The following WDPCP variants were observed in gnomAD, a reference collection of about 807,000 sequenced individuals.
WDPCP encodes the protein WD repeat-containing and planar cell polarity effector protein fritz homolog.
WDPCP carries 71 observed loss-of-function variants against 93.1 expected under a neutral mutation model. That is an observed-to-expected ratio of 0.76 (90% CI 0.63 to 0.93). The LOEUF (loss-of-function observed/expected upper bound fraction) is 0.93. Among genes scored for constraint, WDPCP ranks in the 40% least tolerant of loss-of-function variants. WDPCP has a pLI of 0.00. For missense variants in WDPCP, 844 were observed against 887.4 expected, an observed-to-expected ratio of 0.95 and a Z score of 0.62; for synonymous variants, 315 against 315.0, an observed-to-expected ratio of 1.00 and a Z score of 0.00.
At chr2:63,567,392 C>T (rs973532115) in intron 1 of WDPCP, among the ~76,000 whole-genome samples, 1 of 152,174 alleles carries the variant, frequency 6.6e-6, no homozygotes. Context: ...AAGCTATGTG[C>T]TAAAAACCAA....
intron 13 of WDPCP, among the ~76,000 whole-genome samples, chr2:63,285,573 T>C (rs1380322959): frequency 6.6e-6 from 1 of 151,608 alleles, no homozygotes; most frequent in East Asian, 1.9e-4. Flanking sequence ...ATAAAAAATA[T>C]ATATAATGCA....
chr2:63,287,418 A>C (rs1291503746), intron 13 of WDPCP, among the ~76,000 whole-genome samples: 1 of 151,164 alleles, frequency 6.6e-6, no homozygotes, highest in African/African-American at 2.4e-5. Context: ...CACTCACGCT[A>C]CTCTTCCTGT....
intron 12 of WDPCP, among the ~76,000 whole-genome samples, chr2:63,321,969 T>G (rs1687134629): frequency 6.6e-6 from 1 of 152,140 alleles, no homozygotes; most frequent in Non-Finnish European, 1.5e-5. Context: ...ACAACTTGAT[T>G]AATTTGGAGG....
chr2:63,571,588 T>G, intron 1 of WDPCP: 1 of 471,186 alleles, frequency 2.1e-6, no homozygotes. Context: ...CAGAGAGTTG[T>G]GGGTTTTCTG....
At chr2:63,193,931 G>T (rs1675226780) in intron 14 of WDPCP, among the ~76,000 whole-genome samples, 2 of 152,126 alleles carry the variant, frequency 1.3e-5, no homozygotes, top group African/African-American at 4.8e-5. Flanking sequence ...TTGATAACAT[G>T]AGCTTGCTGA....
intron 17 of WDPCP, among the ~76,000 whole-genome samples, chr2:63,145,615 C>A (rs1194784435): frequency 6.6e-6 from 1 of 152,166 alleles, no homozygotes; most frequent in Non-Finnish European, 1.5e-5. Flanking sequence ...TGCCCCCCAA[C>A]AACAGTCCTG....
chr2:63,420,363 A>AAAAAAAAAC (rs1424670807), intron 9 of WDPCP, among the ~76,000 whole-genome samples: 8 of 146,420 alleles, frequency 5.5e-5, no homozygotes, highest in African/African-American at 2.0e-4. Context: ...TCTTTACTTA[A>AAAAAAAAAC]AAAAAAAAAA....
chr2:63,333,341 A>G (rs575320993), intron 12 of WDPCP, among the ~76,000 whole-genome samples: 1 of 152,362 alleles, frequency 6.6e-6, no homozygotes, highest in Non-Finnish European at 1.5e-5. Context: ...ATTGTCATGC[A>G]AAGTCTCTTG....
intron 12 of WDPCP, among the ~76,000 whole-genome samples, chr2:63,324,834 A>C (rs1687405629): frequency 6.6e-6 from 1 of 152,210 alleles, no homozygotes; most frequent in African/African-American, 2.4e-5. Context: ...AGAAGGACTA[A>C]GGAGAATTAG....
intron 2 of WDPCP, among the ~76,000 whole-genome samples, chr2:63,758,259 G>A (rs1669997999): frequency 6.6e-6 from 1 of 151,998 alleles, no homozygotes; most frequent in Non-Finnish European, 1.5e-5. Flanking sequence ...AGCAGAAGAG[G>A]TGTTTCGAGG....
intron 2 of WDPCP, among the ~76,000 whole-genome samples, chr2:63,709,057 CAAA>C (rs953764802): frequency 1.7e-4 from 2 of 12,076 alleles, no homozygotes; most frequent in Non-Finnish European, 3.4e-4. Context: ...CCTGTCTCTA[CAAA>C]AAAAAAAAAA....
At chr2:63,388,889 TG>T (rs1202330206) in intron 10 of WDPCP, among the ~76,000 whole-genome samples, 1 of 152,096 alleles carries the variant, frequency 6.6e-6, no homozygotes, top group African/African-American at 2.4e-5. Context: ...CCAAGAAATA[TG>T]GGACTATGTA....
chr2:63,795,980 A>G (rs962721472), intron 2 of WDPCP, among the ~76,000 whole-genome samples: 1 of 152,230 alleles, frequency 6.6e-6, no homozygotes, highest in South Asian at 2.1e-4. Flanking sequence ...GGTCTAGACC[A>G]ATCATGATTC....
chr2:63,777,153 C>A (rs1207752679), intron 2 of WDPCP, among the ~76,000 whole-genome samples: 3 of 152,114 alleles, frequency 2.0e-5, no homozygotes. Flanking sequence ...ACAATATATA[C>A]ATGTATTGAA....
chr2:63,515,703 T>C (rs1446269144), intron 1 of WDPCP, among the ~76,000 whole-genome samples: 2 of 152,190 alleles, frequency 1.3e-5, no homozygotes, highest in Admixed American at 6.5e-5. Context: ...GTTGAATGCT[T>C]TACATGCATT....
chr2:63,412,164 C>T (rs541499554), intron 9 of WDPCP, among the ~76,000 whole-genome samples: 5 of 152,166 alleles, frequency 3.3e-5, no homozygotes, highest in South Asian at 2.1e-4. Context: ...AATAGCATAT[C>T]GAAAAGGTAA....
chr2:63,138,069 A>ATTTT lies in WDPCP; in HGVS notation c.2190+14841_2190+14844dup, dbSNP rs34667163. Among the ~76,000 whole-genome samples, 180 of 117,080 alleles carry ATTTT rather than the reference A, an allele frequency of 1.5e-3. 2 individuals are homozygous for ATTTT. Among genetic ancestry groups the ATTTT allele is most frequent in the African/African-American group, 4.8e-3 (146 of 30,148 alleles). The allele number at this position is 117,080 out of a possible 152,430, so 76.8% of individuals were successfully genotyped here. ...TTGGACTCTTTTTAGGTTCCATATG[A>ATTTT]TTTTTTTTTTTTTTTTTTTGGTGCA... is the stretch of plus-strand genomic sequence containing the variant. On this transcript the variant is annotated intron_variant, in intron 17 of 17. Transcript: ENST00000272321.
chr2:63,500,475 G>GTGTGTGTGTA lies in WDPCP; in HGVS notation c.76-7536_76-7535insTACACACACA, dbSNP rs1221502735. 1.1e-4 allele frequency among the ~76,000 whole-genome samples: 16 copies of GTGTGTGTGTA among 151,984 alleles called. No individual in the cohort carries two copies. The East Asian group carries it at 3.1e-3, about 29-fold the overall frequency. On this transcript the variant is annotated intron_variant, in intron 1 of 17. Coordinates refer to ENST00000272321, the MANE Select transcript of WDPCP (RefSeq NM_015910.7). ...TGGGGGTGTGTGTGTGTGTGTGTGT[G>GTGTGTGTGTA]TGTGTGTAAAGTGGTTATACAGTGA... is the stretch of plus-strand genomic sequence containing the variant.
At chr2:63,708,345 C>A (rs1488449103) in intron 2 of WDPCP, among the ~76,000 whole-genome samples, 1 of 152,218 alleles carries the variant, frequency 6.6e-6, no homozygotes, top group African/African-American at 2.4e-5. Flanking sequence ...CCTCCCCCAG[C>A]CTCGCTGCTG....
Sources: allele counts gnomAD v4.1 joint callset (sites outside exome capture counted in the v4.1 genomes callset), GRCh38; gene constraint gnomAD v4.1.1; transcripts MANE v1.5; gene names NCBI Gene and HGNC (gene_info 2026-07-23, HGNC 2026-07-21).